Variants in DNAI4 observed in about 807,000 individuals in gnomAD.
DNAI4 encodes the protein dynein axonemal intermediate chain 4.
Under a neutral mutation model 105.8 loss-of-function variants are expected in DNAI4, and 85 were observed. The ratio of observed to expected loss-of-function variants is 0.80; its 90% CI spans 0.67 to 0.96. DNAI4 has a LOEUF of 0.96. Among genes scored for constraint, DNAI4 ranks in the 40% least tolerant of loss-of-function variants. The probability of loss-of-function intolerance (pLI) is 0.00; values close to 1 mark genes in which losing one functional copy is unlikely to be tolerated. For synonymous variants in DNAI4, 352 were observed against 331.5 expected, an observed-to-expected ratio of 1.06 and a Z score of -0.67; for missense variants, 1,014 against 1,005.6, an observed-to-expected ratio of 1.01 and a Z score of -0.11.
At chr1:66,871,276 G>C (rs1646839789) in intron 6 of DNAI4, 94 bp downstream of exon 6, 1 of 1,174,450 alleles carries the variant, frequency 8.5e-7, no homozygotes, top group Admixed American at 2.9e-5. Context: ...TTTTATTTTT[G>C]CTTTATACAT....
intron 1 of DNAI4, 36 bp downstream of exon 1, chr1:66,924,626 G>A: frequency 6.2e-7 from 1 of 1,614,086 alleles, no homozygotes; most frequent in Non-Finnish European, 8.5e-7. Flanking sequence ...CCGGGTCCCA[G>A]GGGGATGGAC....
chr1:66,850,232 T>C (rs112107394), intron 7 of DNAI4, among the ~76,000 whole-genome samples: 4 of 151,596 alleles, frequency 2.6e-5, no homozygotes, highest in African/African-American at 9.7e-5. Flanking sequence ...AGCAGATTTC[T>C]CATTAGAAAC....
chr1:66,910,041 A>G (rs187995049), intron 1 of DNAI4, among the ~76,000 whole-genome samples: 62 of 152,146 alleles, frequency 4.1e-4, no homozygotes, highest in East Asian at 2.9e-3. Context: ...AACAACCACA[A>G]TGACCTCTTT....
Position 66,890,882 on chromosome 1 carries a change from G to T in DNAI4, c.643+272C>A. On this transcript the variant is annotated intron_variant, in intron 4 of 16. Transcript: ENST00000371026. This position sits in a 1 kb window ranked among gnomAD's most constrained non-coding sequence, Gnocchi z 4.1. ...AGAGGAAGAGGAAGAAGAAGAAGAA[G>T]AAGCAGAAGCAGCAGCAGCAACAGC... is the stretch of plus-strand genomic sequence containing the variant. The T allele has an allele frequency of 2.1e-6, 1 of 477,088 alleles. No individual in the cohort carries two copies. The highest frequency in any genetic ancestry group is 2.2e-5 in the South Asian group (1 of 45,424). 29.6% of individuals were successfully genotyped at this position (477,088 alleles called of 1,614,324 possible). A position where few individuals can be genotyped will look rare whatever the true frequency, so the allele number is the denominator to read the frequency against.
intron 7 of DNAI4, among the ~76,000 whole-genome samples, chr1:66,854,746 T>C (rs4276888): frequency 0.22 from 34,069 of 152,022 alleles, 4,279 homozygotes; most frequent in East Asian, 0.55. Flanking sequence ...AGAGATTGCA[T>C]TGAGCCAAGA....
chr1:66,864,828 G>A (rs912440796), intron 6 of DNAI4, among the ~76,000 whole-genome samples: 23 of 152,096 alleles, frequency 1.5e-4, no homozygotes, highest in African/African-American at 4.3e-4. Flanking sequence ...GCAACAAAGC[G>A]AGACTCTGTC....
Position 66,814,004 on chromosome 1 carries a change from A to T in DNAI4, c.*126T>A, listed in dbSNP as rs185919944. On this transcript the variant is annotated 3_prime_UTR_variant, in exon 17 of 17. Transcript: ENST00000371026. ...AATAAAAGTTTATTAAATTTAAATT[A>T]AGTGGAAGTTATACATCAAATATTG... 151 of 576,984 alleles carry T rather than the reference A, an allele frequency of 2.6e-4. No individual in the cohort carries two copies. Among genetic ancestry groups the T allele is most frequent in the Admixed American group, 2.5e-3 (68 of 27,056 alleles). 35.7% of individuals were successfully genotyped at this position (576,984 alleles called of 1,614,324 possible).
chr1:66,871,716 C>CTG (rs1646851025), intron 5 of DNAI4, among the ~76,000 whole-genome samples: 1 of 152,006 alleles, frequency 6.6e-6, no homozygotes. Flanking sequence ...TCCCAACATC[C>CTG]CTACTACTAT....
At chr1:66,815,264 C>T (rs1645492372) in intron 16 of DNAI4, among the ~76,000 whole-genome samples, 1 of 152,126 alleles carries the variant, frequency 6.6e-6, no homozygotes, top group Non-Finnish European at 1.5e-5. Flanking sequence ...AAAATTTGTT[C>T]AATGTTGTAT....
chr1:66,835,307 G>T (rs1404622830), intron 11 of DNAI4, among the ~76,000 whole-genome samples: 1 of 152,090 alleles, frequency 6.6e-6, no homozygotes, highest in Non-Finnish European at 1.5e-5. Context: ...CTATGATAAA[G>T]GTATGTATAG....
At chr1:66,846,615 CA>C (rs1209694474) in intron 8 of DNAI4, among the ~76,000 whole-genome samples, 1 of 152,142 alleles carries the variant, frequency 6.6e-6, no homozygotes, top group Non-Finnish European at 1.5e-5. Context: ...GGCCATATTG[CA>C]GATATCTTTT....
In DNAI4 at chr1:66,835,701, G is replaced by T; in HGVS notation, c.1658C>A (p.Ala553Asp). 3 of 1,614,000 alleles carry T rather than the reference G, an allele frequency of 1.9e-6. No homozygotes were observed. The highest frequency in any genetic ancestry group is 2.5e-6 in the Non-Finnish European group (3 of 1,179,918). The part of the protein sequence containing the change: ...DFSIGAPNLL[A>D]VGYHNGTIAI... ...AATTGTGCCATTGTGATAGCCAACGGCTAAAAGGTTAGGTGCTCCAATTGA... is the reference window on the plus strand; with the variant it reads ...AATTGTGCCATTGTGATAGCCAACGTCTAAAAGGTTAGGTGCTCCAATTGA... The change falls in exon 11 of 17, where the codon GCC (alanine) becomes GAC (aspartate). Residue 553 changes from alanine to aspartate, a missense_variant. By Grantham distance (126) the Ala-to-Asp change is moderately radical. Coordinates refer to ENST00000371026, the MANE Select transcript of DNAI4 (RefSeq NM_024763.5).
At chr1:66,856,492 A>T (rs80005937) in intron 7 of DNAI4, among the ~76,000 whole-genome samples, 18 of 151,782 alleles carry the variant, frequency 1.2e-4, no homozygotes, top group African/African-American at 3.9e-4. Flanking sequence ...AAATAAAAAT[A>T]AAAAAAAATT....
chr1:66,832,091 T>C (rs982670114), intron 13 of DNAI4, among the ~76,000 whole-genome samples: 2 of 152,164 alleles, frequency 1.3e-5, no homozygotes, highest in African/African-American at 2.4e-5. Context: ...CAGCCACAAA[T>C]ATCTCCAATC....
chr1:66,916,421 T>C (rs1002617802), intron 1 of DNAI4, among the ~76,000 whole-genome samples: 1 of 152,200 alleles, frequency 6.6e-6, no homozygotes, highest in African/African-American at 2.4e-5. Flanking sequence ...CAAGTCCTGC[T>C]AAATCTTAAC....
chr1:66,813,324 A>G lies in DNAI4; in HGVS notation c.*806T>C, dbSNP rs1342366042. ...CCTGTTAGCAATGAATATTTGGAGGAGTCACTGCTCCCCATCTCCACCCCG... is the reference window on the plus strand; with the variant it reads ...CCTGTTAGCAATGAATATTTGGAGGGGTCACTGCTCCCCATCTCCACCCCG... On this transcript the variant is annotated 3_prime_UTR_variant, in exon 17 of 17. Coordinates refer to ENST00000371026, the MANE Select transcript of DNAI4 (RefSeq NM_024763.5). The G allele has an allele frequency of 1.3e-5, 2 of 152,326 alleles. No individual in the cohort carries two copies. Among genetic ancestry groups the G allele is most frequent in the African/African-American group, 4.8e-5 (2 of 41,446 alleles). 9.4% of individuals were successfully genotyped at this position (152,326 alleles called of 1,614,324 possible).
chr1:66,923,614 A>G (rs1466420468), intron 1 of DNAI4, among the ~76,000 whole-genome samples: 2 of 152,158 alleles, frequency 1.3e-5, no homozygotes, highest in Non-Finnish European at 2.9e-5. Context: ...CAGCCATTGT[A>G]TTTGGTTGCA....
intron 1 of DNAI4, among the ~76,000 whole-genome samples, chr1:66,906,717 A>T (rs1327166484): frequency 6.6e-6 from 1 of 152,142 alleles, no homozygotes; most frequent in Non-Finnish European, 1.5e-5. Context: ...TCAAATTTAC[A>T]TTTAAGTATC....
intron 1 of DNAI4, among the ~76,000 whole-genome samples, chr1:66,909,635 T>C (rs1280580742): frequency 6.6e-6 from 1 of 152,144 alleles, no homozygotes; most frequent in Non-Finnish European, 1.5e-5. Flanking sequence ...AAAAGTAATC[T>C]ATGTGAAAAT....
Sources: gnomAD v4.1 joint callset for allele counts (sites outside exome capture counted in the v4.1 genomes callset) on GRCh38, gnomAD v4.1.1 for gene constraint, Gnocchi (gnomAD v3.1) non-coding constraint, MANE v1.5 for transcripts, NCBI Gene and HGNC (gene_info 2026-07-23, HGNC 2026-07-21) for gene names.